The following C18orf63 variants were observed in gnomAD, a reference collection of about 807,000 sequenced individuals.
C18orf63 encodes uncharacterized protein C18orf63.
C18orf63 carries 50 observed loss-of-function variants against 75.3 expected under a neutral mutation model. The ratio of observed to expected loss-of-function variants is 0.66; its 90% CI spans 0.53 to 0.84. C18orf63 has a LOEUF of 0.84. Among genes scored for constraint, C18orf63 ranks in the 40% least tolerant of loss-of-function variants. C18orf63 has a pLI of 0.00. For synonymous variants in C18orf63, 232 were observed against 267.6 expected, an observed-to-expected ratio of 0.87 and a Z score of 1.30; for missense variants, 732 against 800.2, an observed-to-expected ratio of 0.91 and a Z score of 1.03.
intron 4 of C18orf63, among the ~76,000 whole-genome samples, chr18:74,327,049 C>G (rs1291276795): frequency 1.3e-5 from 2 of 152,072 alleles, no homozygotes; most frequent in Admixed American, 1.3e-4. Flanking sequence ...TAACAAAGAG[C>G]CCACCAAGAG....
At chr18:74,339,654 A>G (rs189783407) in intron 8 of C18orf63, among the ~76,000 whole-genome samples, 36 of 152,294 alleles carry the variant, frequency 2.4e-4, no homozygotes, top group African/African-American at 8.2e-4. Flanking sequence ...GCAGTTAGAC[A>G]AGAGAAAGAA....
chr18:74,340,513 C>G (rs963234041), intron 8 of C18orf63, among the ~76,000 whole-genome samples: 1 of 152,016 alleles, frequency 6.6e-6, no homozygotes, highest in African/African-American at 2.4e-5. Context: ...GTGATACATA[C>G]AAAAGAAATT....
In C18orf63 at chr18:74,330,882, A is replaced by G; in HGVS notation, c.441A>G (p.Val147=). Residue 147 remains valine (V), a synonymous_variant, in exon 7 of 14, where the codon GTA becomes GTG. Transcript: ENST00000579455. ...TATTTTCAGTATTAAACATCAATGT[A>G]ACAGAAACTCAAGTTTGTCTAAGTA... ...KQSAVVLNIN[V]TETQVCLSIE... 1 of 1,431,782 alleles carries G rather than the reference A, an allele frequency of 7.0e-7. No homozygotes were observed. Among genetic ancestry groups the G allele is most frequent in the Non-Finnish European group, 9.4e-7 (1 of 1,067,232 alleles). The allele number at this position is 1,431,782 out of a possible 1,614,324, so 88.7% of individuals were successfully genotyped here.
chr18:74,328,115 G>A, intron 5 of C18orf63, 57 bp downstream of exon 5: 1 of 1,000,880 alleles, frequency 1.0e-6, no homozygotes, highest in Non-Finnish European at 1.5e-6. Context: ...TCTGTTATGT[G>A]TGTATTAGTC....
chr18:74,346,577 T>G (rs1451275907), intron 11 of C18orf63, among the ~76,000 whole-genome samples: 1 of 152,198 alleles, frequency 6.6e-6, no homozygotes, highest in African/African-American at 2.4e-5. Flanking sequence ...AGACATAATA[T>G]TTTTTAAAGT....
chr18:74,349,589 C>T (rs977287808), intron 11 of C18orf63, among the ~76,000 whole-genome samples: 3 of 152,084 alleles, frequency 2.0e-5, no homozygotes, highest in Non-Finnish European at 4.4e-5. Flanking sequence ...ACTGCGTACA[C>T]GAGGGATCTA....
intron 2 of C18orf63, among the ~76,000 whole-genome samples, chr18:74,319,988 C>G (rs183380941): frequency 1.3e-5 from 2 of 152,316 alleles, no homozygotes; most frequent in African/African-American, 2.4e-5. Flanking sequence ...CTACACTGTT[C>G]AAGGTGCTAT....
chr18:74,322,581 T>C (rs1032615748), intron 3 of C18orf63, 117 bp from the exon 4 acceptor site: 3 of 322,038 alleles, frequency 9.3e-6, no homozygotes, highest in Non-Finnish European at 1.7e-5. Context: ...CAAACCCTAA[T>C]TGGATGATGG....
At chr18:74,349,672 C>A (rs532060392) in intron 11 of C18orf63, among the ~76,000 whole-genome samples, 204 of 152,198 alleles carry the variant, frequency 1.3e-3, no homozygotes, top group Non-Finnish European at 2.1e-3. Context: ...AAACCATCCC[C>A]CCCACCACCC....
chr18:74,341,731 C>T (rs1388090647), intron 8 of C18orf63, among the ~76,000 whole-genome samples: 1 of 146,548 alleles, frequency 6.8e-6, no homozygotes, highest in African/African-American at 2.6e-5. Flanking sequence ...AGTGGTCTAC[C>T]ACAAAAAAAA....
At chr18:74,346,775 G>A (rs987847360) in intron 11 of C18orf63, among the ~76,000 whole-genome samples, 5 of 152,074 alleles carry the variant, frequency 3.3e-5, no homozygotes, top group African/African-American at 1.2e-4. Context: ...TGGAAGTTAT[G>A]GTTTTATATT....
intron 11 of C18orf63, among the ~76,000 whole-genome samples, chr18:74,344,162 T>C (rs1984533848): frequency 6.6e-6 from 1 of 152,120 alleles, no homozygotes; most frequent in African/African-American, 2.4e-5. Context: ...GTCTGGCTCC[T>C]GTCTGATTTC....
intron 7 of C18orf63, among the ~76,000 whole-genome samples, chr18:74,335,665 G>T (rs967280018): frequency 6.6e-6 from 1 of 152,064 alleles, no homozygotes; most frequent in African/African-American, 2.4e-5. Context: ...GAAAATTTGG[G>T]AAATGAGTGC....
chr18:74,317,497 T>C (rs779821860), intron 1 of C18orf63, among the ~76,000 whole-genome samples: 2 of 152,232 alleles, frequency 1.3e-5, no homozygotes, highest in Non-Finnish European at 2.9e-5. Context: ...AAAATAGTTA[T>C]TGTTATAGAA....
At chr18:74,346,515 T>C (rs797008596) in intron 11 of C18orf63, among the ~76,000 whole-genome samples, 16 of 152,136 alleles carry the variant, frequency 1.1e-4, no homozygotes, top group African/African-American at 3.4e-4. Context: ...GAAGGGAGAG[T>C]GAGTGGACAA....
intron 7 of C18orf63, among the ~76,000 whole-genome samples, chr18:74,335,698 T>C (rs767247538): frequency 5.9e-5 from 9 of 152,122 alleles, no homozygotes; most frequent in Non-Finnish European, 1.3e-4. Flanking sequence ...TTCTATTTAT[T>C]TCGTAGATGG....
At chr18:74,341,195 C>T (rs1984477009) in intron 8 of C18orf63, among the ~76,000 whole-genome samples, 1 of 125,452 alleles carries the variant, frequency 8.0e-6, no homozygotes, top group Non-Finnish European at 1.6e-5. Context: ...ACCCGGGAGG[C>T]GGAGCTTGCA....
At chr18:74,336,434 A>C (rs1419092116) in intron 7 of C18orf63, among the ~76,000 whole-genome samples, 1 of 152,134 alleles carries the variant, frequency 6.6e-6, no homozygotes, top group African/African-American at 2.4e-5. Flanking sequence ...TGAAACACTT[A>C]TAATATTTTT....
At chr18:74,334,750 C>T (rs181754385) in intron 7 of C18orf63, among the ~76,000 whole-genome samples, 1 of 152,232 alleles carries the variant, frequency 6.6e-6, no homozygotes, top group East Asian at 1.9e-4. Context: ...TTTCAAAAAT[C>T]TACCATGGCC....
Sources: allele counts gnomAD v4.1 joint callset (sites outside exome capture counted in the v4.1 genomes callset), GRCh38; gene constraint gnomAD v4.1.1; transcripts MANE v1.5; gene names NCBI Gene and HGNC (gene_info 2026-07-23, HGNC 2026-07-21).